The following SH3RF3 variants were observed in gnomAD, a reference collection of about 807,000 sequenced individuals.
SH3RF3 encodes E3 ubiquitin-protein ligase SH3RF3.
In SH3RF3, 29 loss-of-function variants were observed where a neutral mutation model predicts 66.3. That is an observed-to-expected ratio of 0.44 (90% CI 0.33 to 0.60). The LOEUF (loss-of-function observed/expected upper bound fraction) is 0.60, where lower values mean the gene tolerates loss of function less well. SH3RF3 is among the 20% of genes least tolerant of loss of function. The pLI is 0.04. For synonymous variants in SH3RF3, 583 were observed against 532.0 expected (o/e 1.10, Z -1.32); for missense variants, 1,194 against 1,190.9 (o/e 1.00, Z -0.04).
Position 109,482,780 on chromosome 2 carries a change from A to G in SH3RF3, c.2149-7825A>G, listed in dbSNP as rs184595199. On this transcript the variant is annotated intron_variant, in intron 8 of 9. Transcript: ENST00000309415. ...AGGGAACAACTGCTTCACCACTGATAACAGCAAGAGAGCAACACGATGCGG... is the reference window on the plus strand; with the variant it reads ...AGGGAACAACTGCTTCACCACTGATGACAGCAAGAGAGCAACACGATGCGG... Among the ~76,000 whole-genome samples the G allele has an allele frequency of 2.0e-5, 3 of 152,326 alleles. 1 individual carries two copies. The highest frequency in any genetic ancestry group is 2.0e-4 in the Admixed American group (3 of 15,310).
intron 8 of SH3RF3, among the ~76,000 whole-genome samples, chr2:109,464,762 A>G (rs1181288792): frequency 2.0e-5 from 3 of 152,186 alleles, no homozygotes; most frequent in Non-Finnish European, 4.4e-5. Context: ...TCTACTATCA[A>G]TGGCCTACAC....
intron 4 of SH3RF3, among the ~76,000 whole-genome samples, chr2:109,403,888 C>T (rs1030744688): frequency 6.6e-6 from 1 of 152,226 alleles, no homozygotes; most frequent in Non-Finnish European, 1.5e-5. Context: ...TGCGCCCCCA[C>T]CATGGCCACT....
At chr2:109,352,891 G>T (rs372548726) in intron 2 of SH3RF3, among the ~76,000 whole-genome samples, 2 of 152,248 alleles carry the variant, frequency 1.3e-5, no homozygotes, top group African/African-American at 4.8e-5. Context: ...ACAGATAACC[G>T]TTTTGATTTG....
intron 1 of SH3RF3, among the ~76,000 whole-genome samples, chr2:109,174,517 C>T (rs1221032621): frequency 6.6e-6 from 1 of 152,214 alleles, no homozygotes; most frequent in African/African-American, 2.4e-5. Context: ...GGGCAACGGG[C>T]AGTCCTGGAA....
chr2:109,391,630 C>A (rs1239423695), intron 3 of SH3RF3, among the ~76,000 whole-genome samples: 1 of 152,192 alleles, frequency 6.6e-6, no homozygotes, highest in Non-Finnish European at 1.5e-5. Context: ...AGAGTGCTGG[C>A]ACCAGTGTTT....
At chr2:109,485,710 T>C (rs188113363) in intron 8 of SH3RF3, among the ~76,000 whole-genome samples, 1 of 152,392 alleles carries the variant, frequency 6.6e-6, no homozygotes, top group Admixed American at 6.5e-5. Flanking sequence ...CTTCAGGCTG[T>C]GTGTGTGACT....
chr2:109,314,810 C>A (rs1029277628), intron 1 of SH3RF3, among the ~76,000 whole-genome samples: 3 of 152,214 alleles, frequency 2.0e-5, no homozygotes, highest in Non-Finnish European at 2.9e-5. Context: ...GTACTGGCAT[C>A]ATATTTCTGT....
intron 1 of SH3RF3, among the ~76,000 whole-genome samples, chr2:109,275,675 T>C (rs1021357900): frequency 6.6e-6 from 1 of 152,182 alleles, no homozygotes; most frequent in African/African-American, 2.4e-5. Flanking sequence ...GTCTGGATGC[T>C]TGATTAGCGC....
chr2:109,258,455 C>T (rs116547836), intron 1 of SH3RF3, among the ~76,000 whole-genome samples: 2,673 of 152,260 alleles, frequency 0.018, 33 homozygotes, highest in Middle Eastern at 0.044. Flanking sequence ...GAGGCTTCCT[C>T]GGGCCCTCAG....
At chr2:109,499,488 A>G (rs572081333) in intron 9 of SH3RF3, among the ~76,000 whole-genome samples, 30 of 152,280 alleles carry the variant, frequency 2.0e-4, no homozygotes, top group African/African-American at 6.7e-4. Context: ...CTCACCCACA[A>G]AAGGGCTGGG....
At chr2:109,411,535 A>G (rs1170642761) in intron 4 of SH3RF3, among the ~76,000 whole-genome samples, 1 of 152,166 alleles carries the variant, frequency 6.6e-6, no homozygotes, top group Admixed American at 6.5e-5. Flanking sequence ...AGCAACAGAG[A>G]CCAGATTCAG....
chr2:109,398,817 C>A lies in SH3RF3; in HGVS notation c.1173C>A (p.Ser391=). ...CCGCGCTCAGTGTGACGCACAGATC[C>A]TCCCAGGCTGCCAGCCACAGGCATT... The part of the protein sequence containing the change: ...SFTALSVTHR[S]SQAASHRHSM... The change falls in exon 4 of 10, where the codon TCC becomes TCA. Residue 391 remains serine (S), a synonymous_variant. Transcript: ENST00000309415. 1 of 1,613,916 alleles carries A rather than the reference C, an allele frequency of 6.2e-7. No individual in the cohort carries two copies. The highest frequency in any genetic ancestry group is 1.1e-5 in the South Asian group (1 of 91,036).
intron 1 of SH3RF3, among the ~76,000 whole-genome samples, chr2:109,151,834 G>A (rs1278589298): frequency 6.6e-6 from 1 of 152,248 alleles, no homozygotes; most frequent in Non-Finnish European, 1.5e-5. Flanking sequence ...TGGTTTATAG[G>A]CAACAATATG....
At chr2:109,251,010 TA>T (rs947565804) in intron 1 of SH3RF3, among the ~76,000 whole-genome samples, 17 of 152,156 alleles carry the variant, frequency 1.1e-4, no homozygotes, top group African/African-American at 3.1e-4. Flanking sequence ...TTTATTTATT[TA>T]TTTTTTTTGA....
intron 7 of SH3RF3, among the ~76,000 whole-genome samples, chr2:109,446,588 C>T (rs2104622308): frequency 6.6e-6 from 1 of 152,272 alleles, no homozygotes; most frequent in African/African-American, 2.4e-5. Context: ...CTGAGCCTTC[C>T]AGGCACCCGA....
At chr2:109,246,155 A>T (rs1205655969) in intron 1 of SH3RF3, among the ~76,000 whole-genome samples, 1 of 152,188 alleles carries the variant, frequency 6.6e-6, no homozygotes, top group Non-Finnish European at 1.5e-5. Flanking sequence ...GGTGGTTGTG[A>T]GGTTGACAGA....
At chr2:109,201,127 T>C (rs1334423203) in intron 1 of SH3RF3, among the ~76,000 whole-genome samples, 1 of 152,236 alleles carries the variant, frequency 6.6e-6, no homozygotes, top group Non-Finnish European at 1.5e-5. Context: ...TTATTTTATA[T>C]CAGGTACGGC....
In SH3RF3 at chr2:109,347,840, A is replaced by G. The variant is rs760586174; in HGVS notation, c.740A>G (p.Tyr247Cys). Residue 247 changes from tyrosine (Y) to cysteine (C), a missense_variant, in exon 2 of 10, where the codon TAT becomes TGT. Tyr to Cys is a radical substitution (Grantham distance 194, BLOSUM62 -2). Coordinates refer to ENST00000309415, the MANE Select transcript of SH3RF3 (RefSeq NM_001099289.3). Reference protein sequence around the residue: ...HGTQGFLPASYIQCIQPLPHA... With the variant: ...HGTQGFLPASCIQCIQPLPHA... ...ACACAGGGCTTCCTCCCAGCCAGCT[A>G]TATCCAGTGCATCCAGCCCTTGCCA... The G allele has an allele frequency of 3.1e-6, 5 of 1,613,946 alleles. No homozygotes were observed. Among genetic ancestry groups the G allele is most frequent in the Non-Finnish European group, 4.2e-6 (5 of 1,179,850 alleles).
At chr2:109,495,118 C>G (rs1360174292) in intron 9 of SH3RF3, among the ~76,000 whole-genome samples, 1 of 152,214 alleles carries the variant, frequency 6.6e-6, no homozygotes, top group Admixed American at 6.5e-5. Flanking sequence ...CCAAGAGGAC[C>G]TCATCTTTAG....
Sources: gnomAD v4.1 joint callset for allele counts (sites outside exome capture counted in the v4.1 genomes callset) on GRCh38, gnomAD v4.1.1 for gene constraint, MANE v1.5 for transcripts, NCBI Gene and HGNC (gene_info 2026-07-23, HGNC 2026-07-21) for gene names.